The following SNX29 variants were observed in gnomAD, a reference collection of about 807,000 sequenced individuals.
The protein encoded by SNX29 is sorting nexin-29.
A neutral mutation model predicts 102.1 loss-of-function variants in SNX29; 78 were observed. That is an observed-to-expected ratio of 0.76 (90% CI 0.64 to 0.92). The LOEUF is 0.92. Among genes scored for constraint, SNX29 ranks in the 40% least tolerant of loss-of-function variants. The pLI, the probability that SNX29 is intolerant of heterozygous loss-of-function variation, is 0.00. For synonymous variants in SNX29, 580 were observed against 414.5 expected, an observed-to-expected ratio of 1.40 and a Z score of -4.85; for missense variants, 1,280 against 1,061.7, an observed-to-expected ratio of 1.21 and a Z score of -2.86.
intron 20 of SNX29, among the ~76,000 whole-genome samples, chr16:12,547,836 A>C (rs1404829596): frequency 1.3e-5 from 2 of 152,204 alleles, no homozygotes; most frequent in Non-Finnish European, 2.9e-5. Context: ...ACTGAGCCCC[A>C]GATTCCAAAC....
chr16:12,062,161 C>T (rs1230252689), intron 9 of SNX29, among the ~76,000 whole-genome samples: 1 of 151,922 alleles, frequency 6.6e-6, no homozygotes, highest in Admixed American at 6.6e-5. Context: ...GGTGGATCAC[C>T]TGAGGTCAGG....
Position 12,547,523 on chromosome 16 carries a change from A to G in SNX29, c.2319-20983A>G, listed in dbSNP as rs571145729. On this transcript the variant is annotated intron_variant, in intron 20 of 20. Coordinates refer to ENST00000566228, the MANE Select transcript of SNX29 (RefSeq NM_032167.5). ...CTGGTTTCAATGTGGGTGTGAGAGA[A>G]AGAGGAACTGGAAGAACAGAGTCCT... is the stretch of plus-strand genomic sequence containing the variant. Among the ~76,000 whole-genome samples the G allele has an allele frequency of 7.1e-4, 108 of 152,198 alleles. 1 individual carries two copies. The highest frequency in any genetic ancestry group is 5.3e-4 in the Non-Finnish European group (36 of 67,994).
At chr16:12,408,157 C>CAAAAAA (rs1555530421) in intron 18 of SNX29, among the ~76,000 whole-genome samples, 32 of 142,982 alleles carry the variant, frequency 2.2e-4, no homozygotes, top group African/African-American at 8.3e-4. Context: ...GGACCCTTCT[C>CAAAAAA]AAAAAAACAA....
intron 14 of SNX29, among the ~76,000 whole-genome samples, chr16:12,261,805 CGT>C (rs2078777650): frequency 7.6e-6 from 1 of 130,894 alleles, no homozygotes; most frequent in African/African-American, 3.0e-5. Flanking sequence ...GGTCTGTGCA[CGT>C]GTCCCCGGCT....
intron 18 of SNX29, 137 bp from the exon 19 acceptor site, chr16:12,477,582 A>G: frequency 1.0e-6 from 1 of 995,632 alleles, no homozygotes; most frequent in South Asian, 1.6e-5. Flanking sequence ...GCTCTATGCC[A>G]GGAACTGGGC....
chr16:12,429,360 TTTC>T (rs1314145174), intron 18 of SNX29, among the ~76,000 whole-genome samples: 54 of 152,352 alleles, frequency 3.5e-4, no homozygotes, highest in African/African-American at 1.2e-3. Context: ...CCTTCTAGCT[TTTC>T]TTCTGTGCAT....
chr16:12,038,820 G>C (rs1019936010), intron 4 of SNX29: 2 of 152,342 alleles, frequency 1.3e-5, no homozygotes, highest in East Asian at 1.9e-4. Context: ...TGTGATGGAC[G>C]TACCGACAAT....
intron 19 of SNX29, among the ~76,000 whole-genome samples, chr16:12,516,108 A>G (rs2089853911): frequency 6.6e-6 from 1 of 152,122 alleles, no homozygotes; most frequent in Non-Finnish European, 1.5e-5. Flanking sequence ...CTCTCGTCTA[A>G]TTGCAAGGCA....
chr16:12,526,670 G>C (rs780391090), intron 20 of SNX29: 6 of 509,808 alleles, frequency 1.2e-5, no homozygotes, highest in South Asian at 6.5e-5. Flanking sequence ...GAGTCATCAC[G>C]CATCGACTGA....
intron 13 of SNX29, among the ~76,000 whole-genome samples, chr16:12,138,777 A>G (rs937459274): frequency 1.3e-5 from 2 of 152,068 alleles, no homozygotes; most frequent in Non-Finnish European, 2.9e-5. Flanking sequence ...TGTAGTGGAC[A>G]TGGTATTATC....
chr16:12,018,670 A>G (rs1353774901), intron 3 of SNX29, among the ~76,000 whole-genome samples: 1 of 151,138 alleles, frequency 6.6e-6, no homozygotes, highest in Non-Finnish European at 1.5e-5. Context: ...CCTAAAGTCA[A>G]CTTTTAATGT....
At chr16:12,036,609 C>T (rs535757334) in intron 4 of SNX29, among the ~76,000 whole-genome samples, 4 of 152,024 alleles carry the variant, frequency 2.6e-5, no homozygotes, top group Non-Finnish European at 5.9e-5. Context: ...GCTGGGATTA[C>T]AGGCGTGAGC....
chr16:12,423,747 T>C lies in SNX29; in HGVS notation c.2037+20218T>C, dbSNP rs370293448. Among the ~76,000 whole-genome samples, 33 of 152,290 alleles carry C rather than the reference T, an allele frequency of 2.2e-4. No individual in the cohort carries two copies. The East Asian group carries it at 4.8e-3, about 22-fold the overall frequency. On this transcript the variant is annotated intron_variant, in intron 18 of 20. Coordinates refer to ENST00000566228, the MANE Select transcript of SNX29 (RefSeq NM_032167.5). Reference sequence around the variant, plus strand: ...CACCAAGCCTGGCTAAGTTTTTGTATTTTTAATAGAGATGGGGTTTCGCTA... The same window carrying C: ...CACCAAGCCTGGCTAAGTTTTTGTACTTTTAATAGAGATGGGGTTTCGCTA...
intron 14 of SNX29, among the ~76,000 whole-genome samples, chr16:12,217,457 C>T (rs558695366): frequency 6.6e-6 from 1 of 152,154 alleles, no homozygotes; most frequent in Non-Finnish European, 1.5e-5. Context: ...AATATGGTCT[C>T]TACTCAATAC....
chr16:12,525,553 A>AT (rs1163703160), intron 20 of SNX29, among the ~76,000 whole-genome samples: 1 of 151,866 alleles, frequency 6.6e-6, no homozygotes, highest in Non-Finnish European at 1.5e-5. Context: ...TTAGCTGGGC[A>AT]TGGTGGCAGG....
chr16:12,326,879 G>A (rs2081136976), intron 15 of SNX29, among the ~76,000 whole-genome samples: 1 of 152,186 alleles, frequency 6.6e-6, no homozygotes, highest in Admixed American at 6.5e-5. Flanking sequence ...GTTGGAACGT[G>A]GTGCTTTTTA....
At chr16:12,107,188 G>C (rs2053290197) in intron 11 of SNX29, among the ~76,000 whole-genome samples, 1 of 152,160 alleles carries the variant, frequency 6.6e-6, no homozygotes, top group African/African-American at 2.4e-5. Context: ...GGCTGCACGT[G>C]AAGGCGAGAG....
intron 16 of SNX29, among the ~76,000 whole-genome samples, chr16:12,361,838 A>C (rs528340991): frequency 6.6e-6 from 1 of 152,286 alleles, no homozygotes; most frequent in East Asian, 1.9e-4. Flanking sequence ...AGGGTGAAAT[A>C]AATTTCTTCC....
intron 14 of SNX29, among the ~76,000 whole-genome samples, chr16:12,237,245 G>A (rs1350299209): frequency 6.6e-6 from 1 of 152,190 alleles, no homozygotes; most frequent in Non-Finnish European, 1.5e-5. Context: ...AGTTTCTGAA[G>A]CCCAGCGGTG....
Sources: allele counts gnomAD v4.1 joint callset (sites outside exome capture counted in the v4.1 genomes callset), GRCh38; gene constraint gnomAD v4.1.1; transcripts MANE v1.5; gene names NCBI Gene and HGNC (gene_info 2026-07-23, HGNC 2026-07-21).